Variants in CCDC88A observed in about 807,000 individuals in gnomAD.
CCDC88A encodes coiled-coil and HOOK domain protein 88A.
CCDC88A carries 54 observed loss-of-function variants against 234.3 expected under a neutral mutation model. The ratio of observed to expected loss-of-function variants is 0.23; its 90% CI spans 0.19 to 0.29. CCDC88A has a LOEUF of 0.29. CCDC88A is among the 10% of genes least tolerant of loss of function. CCDC88A has a pLI of 1.00. For missense variants in CCDC88A, 1,832 were observed against 2,123.4 expected, an observed-to-expected ratio of 0.86 and a Z score of 2.70; for synonymous variants, 753 against 737.8, an observed-to-expected ratio of 1.02 and a Z score of -0.33.
In CCDC88A at chr2:55,334,238, A is replaced by T; in HGVS notation, c.2583T>A (p.Asn861Lys). 2 of 1,441,966 alleles carry T rather than the reference A, an allele frequency of 1.4e-6. No individual in the cohort carries two copies. Among genetic ancestry groups the T allele is most frequent in the African/African-American group, 1.5e-5 (1 of 68,304 alleles). 89.3% of individuals were successfully genotyped at this position (1,441,966 alleles called of 1,614,324 possible). Residue 861 changes from asparagine to lysine, a missense_variant, in exon 15 of 33, where the codon AAT becomes AAA. Asn to Lys is a moderately conservative substitution (Grantham distance 94, BLOSUM62 0). Coordinates refer to ENST00000436346, the MANE Select transcript of CCDC88A (RefSeq NM_001365480.1). The surrounding 1 kb of genome is among the most constrained non-coding windows in gnomAD (Gnocchi z 6.1). ...ATAGGGTTTTGTTTTCTTTTTCCAA[A>T]TTTCCAATCTTCACATTATTTTCTT... ...TLEENNVKIG[N>K]LEKENKTLSK...
At chr2:55,297,284 A>AT (rs1558621877) in intron 29 of CCDC88A, 6 of 97,800 alleles carry the variant, frequency 6.1e-5, no homozygotes, top group African/African-American at 8.2e-5. Context: ...TATTATATAT[A>AT]ATATATATAA....
intron 2 of CCDC88A, among the ~76,000 whole-genome samples, chr2:55,411,600 G>A (rs1680487916): frequency 6.6e-6 from 1 of 151,552 alleles, no homozygotes; most frequent in African/African-American, 2.4e-5. Context: ...CCAAAATGGT[G>A]AAATCCCGTC....
chr2:55,349,568 T>C lies in CCDC88A; in HGVS notation c.832A>G (p.Lys278Glu). ...EEKTEQLLDC[K>E]QELEQMEIEL... is the part of the protein sequence containing the mutation. ...ATTTCCATTTGCTCAAGTTCTTGTTTACAATCCAACAACTGCTCAGTCTTT... is the reference window on the plus strand; with the variant it reads ...ATTTCCATTTGCTCAAGTTCTTGTTCACAATCCAACAACTGCTCAGTCTTT... Residue 278 changes from lysine to glutamate, a missense_variant, in exon 9 of 33, where the codon AAA becomes GAA. Physicochemically the swap from Lys to Glu is moderately conservative, Grantham distance 56 (BLOSUM62 1). This residue lies in a region of CCDC88A where 1,282 missense variants were observed against 1,543.6 expected (regional missense o/e 0.83). Coordinates refer to ENST00000436346, the MANE Select transcript of CCDC88A (RefSeq NM_001365480.1). The C allele has an allele frequency of 6.2e-7, 1 of 1,613,144 alleles. No homozygotes were observed. Among genetic ancestry groups the C allele is most frequent in the Non-Finnish European group, 8.5e-7 (1 of 1,179,592 alleles).
chr2:55,358,778 G>GAA lies in CCDC88A; in HGVS notation c.628-3029_628-3028dup, dbSNP rs35283631. On this transcript the variant is annotated intron_variant, in intron 7 of 32. Coordinates refer to ENST00000436346, the MANE Select transcript of CCDC88A (RefSeq NM_001365480.1). ...GATATACAAGTTTCTTCAACCCAGG[G>GAA]AAAAAAAAAATCACAATCCCTTCTT... 2.0e-5 allele frequency among the ~76,000 whole-genome samples: 3 copies of GAA among 149,898 alleles called. No homozygotes were observed. The East Asian group carries it at 5.8e-4, about 29-fold the overall frequency.
chr2:55,296,586 A>C, intron 29 of CCDC88A, 63 bp from the exon 30 acceptor site: 1 of 1,486,644 alleles, frequency 6.7e-7, no homozygotes, highest in Non-Finnish European at 9.2e-7. Flanking sequence ...CTTCATGAGT[A>C]ATAACATTTG....
intron 5 of CCDC88A, among the ~76,000 whole-genome samples, chr2:55,364,496 A>T (rs1671710864): frequency 6.6e-6 from 1 of 152,092 alleles, no homozygotes; most frequent in African/African-American, 2.4e-5. Context: ...AGCAATTTTT[A>T]CTTCAAGCTT....
intron 8 of CCDC88A, among the ~76,000 whole-genome samples, chr2:55,352,426 C>A (rs1227031734): frequency 4.2e-5 from 6 of 143,304 alleles, no homozygotes; most frequent in African/African-American, 5.2e-5. Flanking sequence ...GACTCCATCT[C>A]AAAAAAAAAA....
At chr2:55,397,100 A>C (rs533938896) in intron 2 of CCDC88A, among the ~76,000 whole-genome samples, 1 of 151,490 alleles carries the variant, frequency 6.6e-6, no homozygotes, top group South Asian at 2.1e-4. Context: ...AGAAAAAAAA[A>C]TTTTTTTTGA....
chr2:55,365,695 C>T (rs1372282223), intron 5 of CCDC88A, among the ~76,000 whole-genome samples: 1 of 152,134 alleles, frequency 6.6e-6, no homozygotes, highest in East Asian at 1.9e-4. Context: ...AGAAGCTAAG[C>T]ATTCTCAAAA....
At chr2:55,402,900 TAGGG>T (rs1678955368) in intron 2 of CCDC88A, among the ~76,000 whole-genome samples, 1 of 151,588 alleles carries the variant, frequency 6.6e-6, no homozygotes, top group Non-Finnish European at 1.5e-5. Flanking sequence ...TCCCAGTTAC[TAGGG>T]AGGCTGAGGC....
At chr2:55,407,407 C>A (rs1322128792) in intron 2 of CCDC88A, among the ~76,000 whole-genome samples, 1 of 151,648 alleles carries the variant, frequency 6.6e-6, no homozygotes, top group Non-Finnish European at 1.5e-5. Flanking sequence ...GAGTTCGAGA[C>A]CCGCCTGGCC....
Position 55,384,531 on chromosome 2 carries a change from A to G in CCDC88A, c.273+4247T>C, listed in dbSNP as rs374942463. Reference sequence around the variant, plus strand: ...TATTATATATAAATTATATATATATACATATATACGTATATATGTGTATAT... The same window carrying G: ...TATTATATATAAATTATATATATATGCATATATACGTATATATGTGTATAT... On this transcript the variant is annotated intron_variant, in intron 3 of 32. Transcript: ENST00000436346. 4.0e-4 allele frequency among the ~76,000 whole-genome samples: 19 copies of G among 47,228 alleles called. 5 individuals are homozygous for G. Among genetic ancestry groups the G allele is most frequent in the Non-Finnish European group, 6.3e-4 (13 of 20,540 alleles). The allele number at this position is 47,228 out of a possible 152,430, so 31.0% of individuals were successfully genotyped here.
chr2:55,334,194 T>C lies in CCDC88A; in HGVS notation c.2627A>G (p.Tyr876Cys). Residue 876 changes from tyrosine (Y) to cysteine (C), a missense_variant, in exon 15 of 33, where the codon TAT (tyrosine) becomes TGT (cysteine). This residue lies in a region of CCDC88A where 1,282 missense variants were observed against 1,543.6 expected (regional missense o/e 0.83). Transcript: ENST00000436346. This position sits in a 1 kb window ranked among gnomAD's most constrained non-coding sequence, Gnocchi z 6.1. ...NKTLSKEIGI[Y>C]KESCVRLKEL... is the part of the protein sequence containing the mutation. ...TTTCAGACGGACACAAGATTCTTTA[T>C]ATATACCAATTTCTTTGGATAGGGT... The C allele has an allele frequency of 7.0e-7, 1 of 1,424,900 alleles. No individual in the cohort carries two copies. Among genetic ancestry groups the C allele is most frequent in the Non-Finnish European group, 9.2e-7 (1 of 1,089,720 alleles). 88.3% of individuals were successfully genotyped at this position (1,424,900 alleles called of 1,614,324 possible).
At chr2:55,331,583 A>G (rs923437063) in intron 16 of CCDC88A, among the ~76,000 whole-genome samples, 8 of 152,210 alleles carry the variant, frequency 5.3e-5, no homozygotes, top group African/African-American at 1.9e-4. Context: ...TCTACATAAA[A>G]TAATATTCTT....
intron 2 of CCDC88A, chr2:55,417,087 G>A (rs4672042): frequency 4.6e-5 from 7 of 151,646 alleles, no homozygotes; most frequent in Admixed American, 3.9e-4. Context: ...TTGGAATACC[G>A]TCATTTTCAA....
At position 55,332,386 on chromosome 2, in the gene CCDC88A, T is replaced by G; in HGVS notation, c.2855+180A>C. 4 of 1,083,494 alleles carry G rather than the reference T, an allele frequency of 3.7e-6. No homozygotes were observed. The highest frequency in any genetic ancestry group is 4.7e-6 in the Non-Finnish European group (4 of 854,640). 67.1% of individuals were successfully genotyped at this position (1,083,494 alleles called of 1,614,324 possible). ...ATCCGCCCGCTTCAGCCTCCCAAAG[T>G]GCTGGGATTATAGGTGTGAGCCACC... is the stretch of plus-strand genomic sequence containing the variant. On this transcript the variant is annotated intron_variant, in intron 16 of 32. Coordinates refer to ENST00000436346, the MANE Select transcript of CCDC88A (RefSeq NM_001365480.1). The surrounding 1 kb of genome is among the most constrained non-coding windows in gnomAD (Gnocchi z 4.5).
At chr2:55,387,679 G>A (rs1464084368) in intron 3 of CCDC88A, among the ~76,000 whole-genome samples, 1 of 149,658 alleles carries the variant, frequency 6.7e-6, no homozygotes, top group African/African-American at 2.5e-5. Context: ...CTACTCAGGA[G>A]TCTGAGGCAG....
Position 55,315,945 on chromosome 2 carries a change from G to T in CCDC88A, c.3916C>A (p.Leu1306Met). The T allele has an allele frequency of 1.3e-6, 2 of 1,555,368 alleles. No homozygotes were observed. The highest frequency in any genetic ancestry group is 1.2e-5 in the South Asian group (1 of 80,314). Residue 1306 changes from leucine to methionine, a missense_variant, in exon 22 of 33, where the codon CTG becomes ATG. Physicochemically the swap from Leu to Met is conservative, Grantham distance 15. Coordinates refer to ENST00000436346, the MANE Select transcript of CCDC88A (RefSeq NM_001365480.1). ...AAGCTCACCTCACACTGGTTATTCA[G>T]CTTGGTTGATGTAATATCCAATTGT... Reference protein sequence around the residue: ...YQQLDITSTKLNNQCELLSQL... With the variant: ...YQQLDITSTKMNNQCELLSQL...
chr2:55,371,513 A>G (rs1390945570), intron 5 of CCDC88A, among the ~76,000 whole-genome samples: 2 of 152,230 alleles, frequency 1.3e-5, no homozygotes, highest in African/African-American at 4.8e-5. Context: ...AAAACATAGT[A>G]TAATAGATTT....
Sources: gnomAD v4.1 joint callset for allele counts (sites outside exome capture counted in the v4.1 genomes callset) on GRCh38, gnomAD v4.1.1 for gene constraint, gnomAD v4.1.1 regional missense constraint, Gnocchi (gnomAD v3.1) non-coding constraint, MANE v1.5 for transcripts, NCBI Gene and HGNC (gene_info 2026-07-23, HGNC 2026-07-21) for gene names.